Variants in CDH12 observed in about 807,000 individuals in gnomAD.
The protein encoded by CDH12 is cadherin-12.
A neutral mutation model predicts 74.1 loss-of-function variants in CDH12; 41 were observed. The observed-to-expected ratio is 0.55, with a 90% CI of 0.43 to 0.72. CDH12 has a LOEUF of 0.72. CDH12 is among the 30% of genes least tolerant of loss of function. The probability of loss-of-function intolerance (pLI) is 0.00; values close to 1 mark genes in which losing one functional copy is unlikely to be tolerated. For missense variants in CDH12, 945 were observed against 977.2 expected, an observed-to-expected ratio of 0.97 and a Z score of 0.44; for synonymous variants, 399 against 355.0, an observed-to-expected ratio of 1.12 and a Z score of -1.39.
intron 6 of CDH12, among the ~76,000 whole-genome samples, chr5:21,881,229 C>CAA (rs1440090032): frequency 6.6e-6 from 1 of 152,128 alleles, no homozygotes; most frequent in Non-Finnish European, 1.5e-5. Context: ...ATTTGCAACT[C>CAA]TCTCTTCTTT....
intron 3 of CDH12, among the ~76,000 whole-genome samples, chr5:22,263,191 A>T: frequency 6.6e-6 from 1 of 152,184 alleles, no homozygotes. Context: ...AATTTATATG[A>T]TTATTGGATC....
chr5:22,246,806 T>C (rs190539952), intron 3 of CDH12, among the ~76,000 whole-genome samples: 133 of 152,308 alleles, frequency 8.7e-4, no homozygotes, highest in Middle Eastern at 6.8e-3. Flanking sequence ...TAGTTACTTT[T>C]ATCTAGTTGT....
intron 4 of CDH12, among the ~76,000 whole-genome samples, chr5:22,125,754 G>A (rs957840830): frequency 5.3e-5 from 8 of 152,098 alleles, no homozygotes; most frequent in East Asian, 1.9e-4. Flanking sequence ...TAGCCTGCAC[G>A]CCCTGTCTCC....
intron 3 of CDH12, among the ~76,000 whole-genome samples, chr5:22,347,381 C>T (rs919283714): frequency 6.6e-6 from 1 of 152,140 alleles, no homozygotes. Context: ...GCTTCCTGCC[C>T]TTGAGCATCG....
intron 2 of CDH12, among the ~76,000 whole-genome samples, chr5:22,424,118 TTA>T (rs1216478628): frequency 6.6e-6 from 1 of 151,406 alleles, no homozygotes; most frequent in African/African-American, 2.4e-5. Flanking sequence ...ATATTTAAAT[TTA>T]AATTTAAATG....
intron 3 of CDH12, among the ~76,000 whole-genome samples, chr5:22,329,119 T>C (rs1739243623): frequency 6.6e-6 from 1 of 152,146 alleles, no homozygotes; most frequent in South Asian, 2.1e-4. Context: ...AATGATGAAA[T>C]TGACCCTGAT....
intron 1 of CDH12, among the ~76,000 whole-genome samples, chr5:22,815,306 G>A (rs918856661): frequency 2.0e-5 from 3 of 152,086 alleles, no homozygotes; most frequent in Non-Finnish European, 4.4e-5. Flanking sequence ...TCCTATACTC[G>A]TATCTATTAC....
rs374276622 is a variant in CDH12 at position 22,363,692 on chromosome 5, T to C, written c.-333+41565A>G. 1.3e-5 allele frequency among the ~76,000 whole-genome samples: 2 copies of C among 152,188 alleles called. 1 individual carries two copies. The highest frequency in any genetic ancestry group is 4.1e-4 in the South Asian group (2 of 4,836). ...TACAAGTTTGTTGTTTAAATATTCCTAAAGTGAAACAAGAATCTCATAGAT... is the reference window on the plus strand; with the variant it reads ...TACAAGTTTGTTGTTTAAATATTCCCAAAGTGAAACAAGAATCTCATAGAT... On this transcript the variant is annotated intron_variant, in intron 3 of 14. Transcript: ENST00000382254.
intron 1 of CDH12, among the ~76,000 whole-genome samples, chr5:22,532,800 T>C (rs1300913850): frequency 6.6e-6 from 1 of 152,130 alleles, no homozygotes; most frequent in East Asian, 1.9e-4. Flanking sequence ...TCTTGCAGCA[T>C]GTTTATACTG....
At chr5:22,335,639 C>G (rs935193758) in intron 3 of CDH12, among the ~76,000 whole-genome samples, 11 of 151,902 alleles carry the variant, frequency 7.2e-5, no homozygotes, top group Non-Finnish European at 1.3e-4. Context: ...TGCACAATCT[C>G]TTTTTGCCTG....
chr5:22,711,648 A>G (rs1743292688), intron 1 of CDH12, among the ~76,000 whole-genome samples: 1 of 152,138 alleles, frequency 6.6e-6, no homozygotes, highest in South Asian at 2.1e-4. Flanking sequence ...CAAATGAAGT[A>G]CAGGATTTAC....
intron 1 of CDH12, among the ~76,000 whole-genome samples, chr5:22,775,867 T>C (rs1459171309): frequency 1.3e-5 from 2 of 152,064 alleles, no homozygotes; most frequent in African/African-American, 2.4e-5. Flanking sequence ...GGGGAGGTAA[T>C]TGAATTTTGG....
At chr5:22,373,711 C>G (rs1332463204) in intron 3 of CDH12, among the ~76,000 whole-genome samples, 1 of 152,172 alleles carries the variant, frequency 6.6e-6, no homozygotes, top group Non-Finnish European at 1.5e-5. Flanking sequence ...CATGTAGAGA[C>G]CACACTCCTG....
rs1188446961 is a variant in CDH12 at position 22,213,795 on chromosome 5, C to T, written c.-332-1152G>A. ...TGCATGTCTTGAGGGTGAGAAAATTCTCATTGCCAGAGAGAAAGCTGACGA... is the reference window on the plus strand; with the variant it reads ...TGCATGTCTTGAGGGTGAGAAAATTTTCATTGCCAGAGAGAAAGCTGACGA... On this transcript the variant is annotated intron_variant, in intron 3 of 14. Coordinates refer to ENST00000382254, the MANE Select transcript of CDH12 (RefSeq NM_004061.5). 2.6e-5 allele frequency: 4 copies of T among 152,022 alleles called. 1 individual carries two copies. The highest frequency in any genetic ancestry group is 5.9e-5 in the Non-Finnish European group (4 of 68,006). The allele number at this position is 152,022 out of a possible 1,614,324, so 9.4% of individuals were successfully genotyped here.
At chr5:21,812,886 A>G (rs1747827811) in intron 9 of CDH12, among the ~76,000 whole-genome samples, 1 of 152,182 alleles carries the variant, frequency 6.6e-6, no homozygotes, top group African/African-American at 2.4e-5. Context: ...ATCCATATTT[A>G]GAGATGAAAG....
intron 5 of CDH12, among the ~76,000 whole-genome samples, chr5:22,039,834 C>T (rs1739445168): frequency 6.6e-6 from 1 of 151,962 alleles, no homozygotes; most frequent in Non-Finnish European, 1.5e-5. Context: ...AAGTCTTTAT[C>T]TGTGAAAGCC....
At chr5:22,696,192 C>T (rs1228189405) in intron 1 of CDH12, among the ~76,000 whole-genome samples, 1 of 151,786 alleles carries the variant, frequency 6.6e-6, no homozygotes, top group Admixed American at 6.6e-5. Context: ...CACAATGAAA[C>T]CCACGTCTCT....
chr5:21,883,368 G>A, intron 6 of CDH12: 1 of 1,534,068 alleles, frequency 6.5e-7, no homozygotes, highest in African/African-American at 1.4e-5. Flanking sequence ...CATTGTACCT[G>A]CTCTTGAAAT....
intron 1 of CDH12, among the ~76,000 whole-genome samples, chr5:22,771,521 G>A (rs1746803938): frequency 6.6e-6 from 1 of 151,752 alleles, no homozygotes; most frequent in African/African-American, 2.4e-5. Flanking sequence ...CATGATCAAT[G>A]TACAATTTTT....
Sources: allele counts gnomAD v4.1 joint callset (sites outside exome capture counted in the v4.1 genomes callset), GRCh38; gene constraint gnomAD v4.1.1; transcripts MANE v1.5; gene names NCBI Gene and HGNC (gene_info 2026-07-23, HGNC 2026-07-21).